Variants in ESR2 observed in about 807,000 individuals in gnomAD.
The protein encoded by ESR2 is estrogen receptor beta.
Under a neutral mutation model 49.6 loss-of-function variants are expected in ESR2, and 36 were observed. The observed-to-expected ratio is 0.73, with a 90% confidence interval of 0.56 to 0.96. The LOEUF is 0.96. Ranked by LOEUF, ESR2 falls within the 40% of genes least tolerant of loss-of-function variation. The pLI, the probability that ESR2 is intolerant of heterozygous loss-of-function variation, is 0.00. For synonymous variants in ESR2, 320 were observed against 266.1 expected (o/e 1.20, Z -1.97); for missense variants, 714 against 693.0 (o/e 1.03, Z -0.34).
intron 8 of ESR2, chr14:64,234,654 C>T (rs1308042662): frequency 2.1e-6 from 1 of 476,680 alleles, no homozygotes; most frequent in Non-Finnish European, 3.6e-6. Flanking sequence ...GTGGTGTAAA[C>T]AGGGGTGGCA....
At chr14:64,324,730 A>T (rs1164081003) in intron 1 of ESR2, among the ~76,000 whole-genome samples, 8 of 152,214 alleles carry the variant, frequency 5.3e-5, no homozygotes, top group Admixed American at 5.2e-4. Flanking sequence ...ACTTCCTGAT[A>T]GTTAACAGTT....
At position 64,260,644 on chromosome 14, in the gene ESR2, G is replaced by T. The variant is rs748219656; in HGVS notation, c.757C>A (p.Pro253Thr). The T allele has an allele frequency of 2.5e-6, 4 of 1,607,992 alleles. No individual in the cohort carries two copies. The African/African-American group carries it at 4.0e-5, about 16-fold the overall frequency. Reference protein sequence around the residue: ...GKAKRSGGHAPRVRELLLDAL... With the variant: ...GKAKRSGGHATRVRELLLDAL... ...TCCAGCAGCAGCTCCCGCACTCGGG[G>T]CGCGTGGCCGCCACTTCTCTTGGCC... The change falls in exon 5 of 9, where the codon CCC becomes ACC. Residue 253 changes from proline (P) to threonine (T), a missense_variant. Coordinates refer to ENST00000341099, the MANE Select transcript of ESR2 (RefSeq NM_001437.3).
At chr14:64,260,115 G>C (rs576680307) in intron 5 of ESR2, 1 of 523,742 alleles carries the variant, frequency 1.9e-6, no homozygotes, top group African/African-American at 1.9e-5. Flanking sequence ...GATAGGGTTT[G>C]TGCAAGGTGG....
chr14:64,248,919 C>T (rs1487309011), intron 7 of ESR2, among the ~76,000 whole-genome samples: 1 of 152,128 alleles, frequency 6.6e-6, no homozygotes, highest in Non-Finnish European at 1.5e-5. Context: ...TTCTAAGCTG[C>T]CCAAAGCCTG....
At chr14:64,333,713 GAAC>G (rs1347918446) in intron 1 of ESR2, among the ~76,000 whole-genome samples, 1 of 152,024 alleles carries the variant, frequency 6.6e-6, no homozygotes, top group Non-Finnish European at 1.5e-5. Flanking sequence ...ACTACGACGA[GAAC>G]AACAGGGAGG....
Position 64,282,810 on chromosome 14 carries a change from G to A in ESR2, c.176C>T (p.Pro59Leu). 6.2e-7 allele frequency: 1 copy of A among 1,614,186 alleles called. No homozygotes were observed. Residue 59 changes from proline to leucine, a missense_variant, in exon 2 of 9, where the codon CCC becomes CTC. Transcript: ENST00000341099. Reference sequence around the variant, plus strand: ...ACCTTCCAAGTTAGTGACATTGCTGGGAATGCTGTAATTCATCACAGCAGG... The same window carrying A: ...ACCTTCCAAGTTAGTGACATTGCTGAGAATGCTGTAATTCATCACAGCAGG... ...YSPAVMNYSI[P>L]SNVTNLEGGP...
chr14:64,332,297 T>C (rs1374687598), intron 1 of ESR2: 1 of 152,220 alleles, frequency 6.6e-6, no homozygotes, highest in Non-Finnish European at 1.5e-5. Context: ...GGCTCCTATG[T>C]TTTCCTTTTA....
chr14:64,270,706 G>C (rs751857342), intron 3 of ESR2, among the ~76,000 whole-genome samples: 10 of 152,108 alleles, frequency 6.6e-5, no homozygotes, highest in Non-Finnish European at 1.3e-4. Flanking sequence ...GACGGGGTTT[G>C]GCCGTGTTGG....
At chr14:64,299,272 C>T (rs1450617798), upstream of ESR2, among the ~76,000 whole-genome samples, 1 of 151,750 alleles carries the variant, frequency 6.6e-6, no homozygotes, top group African/African-American at 2.4e-5. Flanking sequence ...TTTTCTACAT[C>T]TTCTTGTAAA....
chr14:64,305,870 T>G (rs1450429748), intron 1 of ESR2, among the ~76,000 whole-genome samples: 7 of 152,040 alleles, frequency 4.6e-5, no homozygotes, highest in Non-Finnish European at 1.0e-4. Context: ...ATAGCAATTG[T>G]AGTACCGTGC....
intron 1 of ESR2, among the ~76,000 whole-genome samples, chr14:64,324,470 T>A (rs948800566): frequency 6.6e-6 from 1 of 152,212 alleles, no homozygotes; most frequent in Admixed American, 6.5e-5. Flanking sequence ...AATAGTTAAT[T>A]TCATTGCCCA....
At chr14:64,284,566 C>T (rs2076750838) in intron 1 of ESR2, among the ~76,000 whole-genome samples, 1 of 152,048 alleles carries the variant, frequency 6.6e-6, no homozygotes, top group Non-Finnish European at 1.5e-5. Context: ...AAGTGATCTG[C>T]CTGTTTCGGC....
intron 1 of ESR2, among the ~76,000 whole-genome samples, chr14:64,323,363 G>A (rs558344154): frequency 5.9e-5 from 9 of 151,958 alleles, no homozygotes; most frequent in Non-Finnish European, 1.0e-4. Flanking sequence ...ATGTGCTACC[G>A]TGCCCAGGTA....
At chr14:64,241,062 C>T (rs1396637677) in intron 7 of ESR2, among the ~76,000 whole-genome samples, 1 of 144,876 alleles carries the variant, frequency 6.9e-6, no homozygotes, top group Non-Finnish European at 1.5e-5. Flanking sequence ...AGGAGAATGG[C>T]GTGAACCCTG....
At position 64,230,065 on chromosome 14, in the gene ESR2, G is replaced by A. The variant is rs535322019; in HGVS notation, c.*3072C>T. Reference sequence around the variant, plus strand: ...GTGGTGGTGTGCACCCCAGCTACTCGGCGAGGGCGGGAATGGGGTGGGATG... The same window carrying A: ...GTGGTGGTGTGCACCCCAGCTACTCAGCGAGGGCGGGAATGGGGTGGGATG... On this transcript the variant is annotated 3_prime_UTR_variant, in exon 9 of 9. Coordinates refer to ENST00000341099, the MANE Select transcript of ESR2 (RefSeq NM_001437.3). Among the ~76,000 whole-genome samples the A allele has an allele frequency of 3.9e-5, 6 of 151,974 alleles. No individual in the cohort carries two copies. Among genetic ancestry groups the A allele is most frequent in the Admixed American group, 1.3e-4 (2 of 15,268 alleles).
intron 6 of ESR2, 68 bp from the exon 7 acceptor site, chr14:64,249,747 T>C (rs1354194458): frequency 2.0e-5 from 30 of 1,489,934 alleles, no homozygotes; most frequent in Non-Finnish European, 2.7e-5. Context: ...CAATAAGGAA[T>C]GTTTTATTTT....
intron 1 of ESR2, among the ~76,000 whole-genome samples, chr14:64,284,864 TTTTG>T: frequency 6.6e-6 from 1 of 151,742 alleles, no homozygotes; most frequent in Non-Finnish European, 1.5e-5. Context: ...TTTTTTTTTT[TTTTG>T]AGACGGAGTC....
intron 1 of ESR2, among the ~76,000 whole-genome samples, chr14:64,291,679 AGAC>A (rs2076872839): frequency 6.6e-6 from 1 of 152,220 alleles, no homozygotes; most frequent in Non-Finnish European, 1.5e-5. Flanking sequence ...CTAGACTTCA[AGAC>A]ATGAGCACAG....
chr14:64,290,895 T>C (rs369238565), intron 1 of ESR2, among the ~76,000 whole-genome samples: 11 of 152,260 alleles, frequency 7.2e-5, no homozygotes, highest in South Asian at 6.2e-4. Flanking sequence ...TAGTAACCAA[T>C]TGGCGCTTAT....
Sources: gnomAD v4.1 joint callset for allele counts (sites outside exome capture counted in the v4.1 genomes callset) on GRCh38, gnomAD v4.1.1 for gene constraint, MANE v1.5 for transcripts, NCBI Gene and HGNC (gene_info 2026-07-23, HGNC 2026-07-21) for gene names.